The following MARCHF5 variants were observed in gnomAD, a reference collection of about 807,000 sequenced individuals.
MARCHF5 encodes membrane associated ring-CH-type finger 5.
In MARCHF5, 5 loss-of-function variants were observed where a neutral mutation model predicts 36.5. The observed-to-expected ratio is 0.14, with a 90% CI of 0.07 to 0.29. MARCHF5 has a LOEUF of 0.29. Ranked by LOEUF, MARCHF5 falls within the 10% of genes least tolerant of loss-of-function variation. MARCHF5 has a pLI of 1.00. For missense variants in MARCHF5, 179 were observed against 336.3 expected (o/e 0.53, Z 3.66); for synonymous variants, 103 against 109.9 (o/e 0.94, Z 0.39).
intron 2 of MARCHF5, among the ~76,000 whole-genome samples, chr10:92,326,002 A>G (rs570807745): frequency 1.1e-4 from 17 of 152,264 alleles, no homozygotes; most frequent in Non-Finnish European, 2.1e-4. Flanking sequence ...TGTTGCTCTT[A>G]TAACTAAACA....
intron 2 of MARCHF5, among the ~76,000 whole-genome samples, chr10:92,326,031 A>G (rs937765311): frequency 1.3e-5 from 2 of 152,208 alleles, no homozygotes; most frequent in Non-Finnish European, 2.9e-5. Flanking sequence ...AACTTCTTAT[A>G]TAGAATTTTA....
At chr10:92,339,254 C>T (rs1843544131) in intron 2 of MARCHF5, among the ~76,000 whole-genome samples, 2 of 150,874 alleles carry the variant, frequency 1.3e-5, no homozygotes, top group East Asian at 1.9e-4. Context: ...CCTGTAATCC[C>T]AGCTACCTGG....
chr10:92,296,450 A>G (rs977561861), intron 1 of MARCHF5, among the ~76,000 whole-genome samples: 3 of 152,134 alleles, frequency 2.0e-5, no homozygotes, highest in Non-Finnish European at 2.9e-5. Context: ...AAGTTGTTAT[A>G]TATTACTTTC....
chr10:92,335,791 T>C (rs1843495080), intron 2 of MARCHF5, among the ~76,000 whole-genome samples: 1 of 152,168 alleles, frequency 6.6e-6, no homozygotes, highest in Non-Finnish European at 1.5e-5. Context: ...GAAAAACAAT[T>C]CAAACATCTG....
rs199521046 is a variant in MARCHF5 at position 92,351,231 on chromosome 10, G to A, written c.*24G>A. The A allele has an allele frequency of 2.9e-6, 4 of 1,375,638 alleles. No homozygotes were observed. The Admixed American group carries it at 6.9e-5, about 24-fold the overall frequency. 85.2% of individuals were successfully genotyped at this position (1,375,638 alleles called of 1,614,324 possible). A position where few individuals can be genotyped will look rare whatever the true frequency, so the allele number is the denominator to read the frequency against. ...AAAACTGACTTCTGGTTGTTCTGCA[G>A]TTCTCTCATCCTTATGAATCTGTTG... On this transcript the variant is annotated 3_prime_UTR_variant, in exon 6 of 6. Transcript: ENST00000358935.
At chr10:92,344,811 C>T (rs926119406) in intron 3 of MARCHF5, among the ~76,000 whole-genome samples, 5 of 152,172 alleles carry the variant, frequency 3.3e-5, no homozygotes, top group Admixed American at 2.6e-4. Context: ...CTTCCTCTTG[C>T]ATTTTTATTG....
At chr10:92,321,418 CA>C (rs971639044) in intron 2 of MARCHF5, among the ~76,000 whole-genome samples, 5 of 152,038 alleles carry the variant, frequency 3.3e-5, no homozygotes, top group African/African-American at 1.2e-4. Context: ...GGTTGATTTT[CA>C]TATTAGACTC....
intron 1 of MARCHF5, among the ~76,000 whole-genome samples, chr10:92,293,424 A>G (rs970841457): frequency 6.6e-6 from 1 of 152,062 alleles, no homozygotes; most frequent in African/African-American, 2.4e-5. Context: ...CTTATGTCCA[A>G]AAGCTGACCT....
At chr10:92,324,135 C>T (rs2265196) in intron 2 of MARCHF5, among the ~76,000 whole-genome samples, 150,211 of 152,354 alleles carry the variant, frequency 0.99, 74,081 homozygotes, top group Middle Eastern at 1. Flanking sequence ...TTTCTAATGA[C>T]ATATGATGTG....
At chr10:92,306,960 G>A (rs1422962184) in intron 1 of MARCHF5, among the ~76,000 whole-genome samples, 1 of 152,154 alleles carries the variant, frequency 6.6e-6, no homozygotes, top group Non-Finnish European at 1.5e-5. Flanking sequence ...GTTGCAGTGA[G>A]TCAAGATTGC....
chr10:92,324,368 T>C (rs565934720), intron 2 of MARCHF5, among the ~76,000 whole-genome samples: 1 of 152,258 alleles, frequency 6.6e-6, no homozygotes, highest in South Asian at 2.1e-4. Context: ...TTCTATTTAT[T>C]TATCTATTTA....
At chr10:92,315,047 A>G (rs1843193451) in intron 2 of MARCHF5, among the ~76,000 whole-genome samples, 1 of 152,208 alleles carries the variant, frequency 6.6e-6, no homozygotes, top group Non-Finnish European at 1.5e-5. Context: ...TCATTGCTGC[A>G]CACAAAGCTA....
intron 1 of MARCHF5, among the ~76,000 whole-genome samples, chr10:92,302,408 C>A (rs967379344): frequency 6.6e-6 from 1 of 151,700 alleles, no homozygotes; most frequent in Non-Finnish European, 1.5e-5. Context: ...AATCCTGAGA[C>A]AAAATAAGCA....
intron 1 of MARCHF5, 50 bp from the exon 2 acceptor site, chr10:92,311,085 G>T: frequency 7.2e-7 from 1 of 1,396,586 alleles, no homozygotes. Context: ...TATAGAGGAG[G>T]CTGGAGTCCT....
intron 2 of MARCHF5, among the ~76,000 whole-genome samples, chr10:92,333,154 C>T (rs1843459305): frequency 7.9e-6 from 1 of 126,094 alleles, no homozygotes; most frequent in Admixed American, 8.7e-5. Flanking sequence ...GAGTAAATCT[C>T]CGTCTTGCCA....
rs1554945659 is a variant in MARCHF5, at chr10:92,295,310, C to CTTT, written c.35+3783_35+3785dup. Reference sequence around the variant, plus strand: ...TTCAGGGTTTTTAAACTAGAGGCAACTTTTCTTTTTTTTTTTTTTTTTTTT... The same window carrying CTTT: ...TTCAGGGTTTTTAAACTAGAGGCAACTTTTTTTCTTTTTTTTTTTTTTTTTTTT... On this transcript the variant is annotated intron_variant, in intron 1 of 5. Transcript: ENST00000358935. 7.6e-5 allele frequency among the ~76,000 whole-genome samples: 2 copies of CTTT among 26,242 alleles called. 1 individual carries two copies. The highest frequency in any genetic ancestry group is 1.4e-4 in the Non-Finnish European group (2 of 14,012). The allele number at this position is 26,242 out of a possible 152,430, so 17.2% of individuals were successfully genotyped here.
intron 2 of MARCHF5, among the ~76,000 whole-genome samples, chr10:92,314,592 A>G (rs1228271652): frequency 6.6e-6 from 1 of 152,148 alleles, no homozygotes; most frequent in African/African-American, 2.4e-5. Context: ...CTGTGAGCCA[A>G]GCTCACACCA....
intron 2 of MARCHF5, among the ~76,000 whole-genome samples, chr10:92,319,626 AT>A (rs1189737454): frequency 6.9e-6 from 1 of 144,278 alleles, no homozygotes; most frequent in Non-Finnish European, 1.5e-5. Flanking sequence ...CTTTTAAAAA[AT>A]TTTGTGTGTT....
intron 2 of MARCHF5, among the ~76,000 whole-genome samples, chr10:92,318,626 G>A (rs1843245186): frequency 1.3e-5 from 2 of 149,750 alleles, no homozygotes; most frequent in African/African-American, 4.9e-5. Context: ...ACAATAAAGG[G>A]AGAGAGAAAG....
Sources: allele counts gnomAD v4.1 joint callset (sites outside exome capture counted in the v4.1 genomes callset), GRCh38; gene constraint gnomAD v4.1.1; transcripts MANE v1.5; gene names NCBI Gene and HGNC (gene_info 2026-07-23, HGNC 2026-07-21).